Variants in ASAP2 observed in about 807,000 individuals in gnomAD.
ASAP2 encodes the protein ArfGAP with SH3 domain, ankyrin repeat and PH domain 2, also known as arf-GAP with SH3 domain, ANK repeat and PH domain-containing protein 2.
A neutral mutation model predicts 131.4 loss-of-function variants in ASAP2; 45 were observed. That is an observed-to-expected ratio of 0.34 (90% CI 0.27 to 0.44). The LOEUF is 0.44. ASAP2 is among the 20% of genes least tolerant of loss of function. The pLI, the probability that ASAP2 is intolerant of heterozygous loss-of-function variation, is 1.00. For synonymous variants in ASAP2, 510 were observed against 503.0 expected (o/e 1.01, Z -0.19); for missense variants, 1,011 against 1,297.0 (o/e 0.78, Z 3.39).
intron 1 of ASAP2, among the ~76,000 whole-genome samples, chr2:9,279,061 C>T (rs921103764): frequency 6.6e-6 from 1 of 152,110 alleles, no homozygotes; most frequent in African/African-American, 2.4e-5. Flanking sequence ...TTGCATGCTG[C>T]AGGAGGAGGA....
At chr2:9,385,174 A>T (rs1675172741) in intron 20 of ASAP2, 71 bp from the exon 21 acceptor site, 2 of 1,228,682 alleles carry the variant, frequency 1.6e-6, no homozygotes, top group Admixed American at 1.8e-5. Flanking sequence ...TCCTGCCTGC[A>T]CACTTCAGTG....
intron 1 of ASAP2, among the ~76,000 whole-genome samples, chr2:9,242,576 CCT>C (rs1182728632): frequency 6.6e-6 from 1 of 152,144 alleles, no homozygotes; most frequent in Non-Finnish European, 1.5e-5. Flanking sequence ...GGCTCTGTTC[CCT>C]GAGTCTTCAT....
intron 26 of ASAP2, 129 bp downstream of exon 26, chr2:9,400,959 A>G: frequency 1.0e-6 from 1 of 976,122 alleles, no homozygotes; most frequent in Non-Finnish European, 1.5e-6. Flanking sequence ...TCTTCTTGGT[A>G]CCTGACTGCT....
rs1023796847 is a variant in ASAP2 at position 9,311,128 on chromosome 2, A to G, written c.346-7396A>G. Among the ~76,000 whole-genome samples, 7 of 152,298 alleles carry G rather than the reference A, an allele frequency of 4.6e-5. No individual in the cohort carries two copies. In the South Asian group the frequency reaches 1.0e-3, roughly 23 times the overall value. On this transcript the variant is annotated intron_variant, in intron 3 of 27. Coordinates refer to ENST00000281419, the MANE Select transcript of ASAP2 (RefSeq NM_003887.3). This position sits in a 1 kb window ranked among gnomAD's most constrained non-coding sequence, Gnocchi z 5.2. ...TTGCCTGGGCTGGGTGTGGTGGCTCATGCCTATAGTCCCAGCACTTTGGGA... is the reference window on the plus strand; with the variant it reads ...TTGCCTGGGCTGGGTGTGGTGGCTCGTGCCTATAGTCCCAGCACTTTGGGA...
At chr2:9,397,750 ATT>A (rs1172660637) in intron 24 of ASAP2, among the ~76,000 whole-genome samples, 6 of 44,804 alleles carry the variant, frequency 1.3e-4, no homozygotes, top group South Asian at 7.8e-4. Flanking sequence ...ATATATATAT[ATT>A]TTTTTTTTTT....
intron 24 of ASAP2, among the ~76,000 whole-genome samples, chr2:9,395,407 G>A (rs948374042): frequency 5.3e-5 from 8 of 151,754 alleles, no homozygotes; most frequent in South Asian, 2.1e-4. Context: ...CCCAGGAGGC[G>A]GAGGTTGCAG....
rs1418041261 is a variant in ASAP2 at position 9,387,221 on chromosome 2, A to AAAAAAAAAC, written c.2131-1067_2131-1066insAACAAAAAA. On this transcript the variant is annotated intron_variant, in intron 21 of 27. Transcript: ENST00000281419. ...AGAGAGAGACTCTGTCTCAAAAAAA[A>AAAAAAAAAC]AAAAAACCATATAACCTTCAGGGGG... is the stretch of plus-strand genomic sequence containing the variant. Among the ~76,000 whole-genome samples the AAAAAAAAAC allele has an allele frequency of 2.0e-5, 3 of 151,670 alleles. 1 individual carries two copies. Among genetic ancestry groups the AAAAAAAAAC allele is most frequent in the African/African-American group, 4.9e-5 (2 of 41,152 alleles).
chr2:9,378,819 A>T, intron 18 of ASAP2, 125 bp from the exon 19 acceptor site: 1 of 573,504 alleles, frequency 1.7e-6, no homozygotes, highest in Non-Finnish European at 2.7e-6. Flanking sequence ...GATGATTTAC[A>T]GAAACCGTTC....
In ASAP2 at chr2:9,311,756, G is replaced by A. The variant is rs1669317214; in HGVS notation, c.346-6768G>A. On this transcript the variant is annotated intron_variant, in intron 3 of 27. Transcript: ENST00000281419. The surrounding 1 kb of genome is among the most constrained non-coding windows in gnomAD (Gnocchi z 5.2). ...CACAGAGGAAGCCCAGAGCCTGCCC[G>A]CCACTCAGGCTGCAGGGCACACCTG... Among the ~76,000 whole-genome samples the A allele has an allele frequency of 6.6e-6, 1 of 152,188 alleles. No homozygotes were observed. Among genetic ancestry groups the A allele is most frequent in the East Asian group, 1.9e-4 (1 of 5,196 alleles).
intron 1 of ASAP2, among the ~76,000 whole-genome samples, chr2:9,270,785 A>ATTTTTTTCTTTTTTTTTTTTTT (rs1666300435): frequency 1.9e-5 from 1 of 52,924 alleles, no homozygotes; most frequent in African/African-American, 7.2e-5. Context: ...AATTGTTTTC[A>ATTTTTTTCTTTTTTTTTTTTTT]TTTTTTTTTT....
intron 18 of ASAP2, 75 bp from the exon 19 acceptor site, chr2:9,378,869 G>A: frequency 2.8e-6 from 3 of 1,080,796 alleles, no homozygotes; most frequent in Non-Finnish European, 3.7e-6. Flanking sequence ...CGTAGCCCAG[G>A]CTCCCTGCCG....
At chr2:9,260,330 G>A (rs145168343) in intron 1 of ASAP2, among the ~76,000 whole-genome samples, 45 of 152,336 alleles carry the variant, frequency 3.0e-4, no homozygotes, top group African/African-American at 9.4e-4. Flanking sequence ...TGCTGGGGGC[G>A]GGAAGGATGC....
intron 1 of ASAP2, among the ~76,000 whole-genome samples, chr2:9,236,382 C>T (rs1663552714): frequency 6.6e-6 from 1 of 152,188 alleles, no homozygotes; most frequent in Non-Finnish European, 1.5e-5. Flanking sequence ...ATATTCCTGA[C>T]ATATTCTTAT....
chr2:9,269,768 T>G (rs1331378203), intron 1 of ASAP2, among the ~76,000 whole-genome samples: 1 of 151,956 alleles, frequency 6.6e-6, no homozygotes, highest in Non-Finnish European at 1.5e-5. Flanking sequence ...TTTGAATGAA[T>G]CTTTATAGAA....
intron 2 of ASAP2, among the ~76,000 whole-genome samples, chr2:9,280,258 G>A (rs1030194615): frequency 6.6e-6 from 1 of 152,186 alleles, no homozygotes; most frequent in Non-Finnish European, 1.5e-5. Flanking sequence ...TTTAGTGAAA[G>A]GGGTGATTGG....
chr2:9,330,662 A>T (rs1157181835), intron 7 of ASAP2, among the ~76,000 whole-genome samples: 1 of 152,190 alleles, frequency 6.6e-6, no homozygotes, highest in South Asian at 2.1e-4. Flanking sequence ...TTACTTTGTG[A>T]TGAGCATGCA....
chr2:9,375,481 T>C (rs2709597), intron 17 of ASAP2, among the ~76,000 whole-genome samples: 2,830 of 152,314 alleles, frequency 0.019, 105 homozygotes, highest in African/African-American at 0.064. Context: ...TATGTTTACA[T>C]CATGGAATGA....
chr2:9,385,464 A>G, intron 21 of ASAP2, 106 bp downstream of exon 21: 1 of 878,094 alleles, frequency 1.1e-6, no homozygotes, highest in Non-Finnish European at 1.8e-6. Flanking sequence ...AGAAATGAAA[A>G]TGTAGCTTAC....
chr2:9,401,890 TTTTATC>T (rs1344871968), intron 27 of ASAP2, among the ~76,000 whole-genome samples: 8 of 152,206 alleles, frequency 5.3e-5, no homozygotes, highest in African/African-American at 1.9e-4. Context: ...GGCAGGTTGC[TTTTATC>T]TTTAAGCATT....
Sources: gnomAD v4.1 joint callset for allele counts (sites outside exome capture counted in the v4.1 genomes callset) on GRCh38, gnomAD v4.1.1 for gene constraint, Gnocchi (gnomAD v3.1) non-coding constraint, MANE v1.5 for transcripts, NCBI Gene and HGNC (gene_info 2026-07-23, HGNC 2026-07-21) for gene names.